TTN: variants seen among roughly 807,000 people sequenced by gnomAD.
TTN encodes the protein connectin.
A neutral mutation model predicts 3,223.0 loss-of-function variants in TTN; 1,525 were observed. The observed-to-expected ratio is 0.47, with a 90% CI of 0.45 to 0.49. The LOEUF is 0.49. Ranked by LOEUF, TTN falls within the 20% of genes least tolerant of loss-of-function variation. The pLI, the probability that TTN is intolerant of heterozygous loss-of-function variation, is 0.00. For synonymous variants in TTN, 14,094 were observed against 15,161.0 expected (o/e 0.93, Z 5.17); for missense variants, 40,786 against 43,424.0 (o/e 0.94, Z 5.40).
At chr2:178,752,036 A>C (rs1264925432) in intron 47 of TTN, 1 of 1,512,664 alleles carries the variant, frequency 6.6e-7, no homozygotes, top group Non-Finnish European at 8.8e-7. Context: ...CTCAGAGAAT[A>C]ATTCTGGAAA....
chr2:178,618,036 C>A lies in TTN; in HGVS notation c.47315G>T (p.Arg15772Leu). 6.2e-7 allele frequency: 1 copy of A among 1,612,390 alleles called. No homozygotes were observed. Among genetic ancestry groups the A allele is most frequent in the Non-Finnish European group, 8.5e-7 (1 of 1,179,082 alleles). Residue 15772 changes from arginine (R) to leucine (L), a missense_variant, in exon 253 of 363, where the codon CGA becomes CTA. Coordinates refer to ENST00000589042, the MANE Select transcript of TTN (RefSeq NM_001267550.2). ...TTCCCATGTCAGTGAGACACCAAATCGATTCACATCAGTGATGGTTACATT... is the reference window on the plus strand; with the variant it reads ...TTCCCATGTCAGTGAGACACCAAATAGATTCACATCAGTGATGGTTACATT... ...PLNVTITDVNRFGVSLTWEPP... is the reference protein window; with the variant it reads ...PLNVTITDVNLFGVSLTWEPP...
chr2:178,713,957 T>A lies in TTN; in HGVS notation c.26701A>T (p.Ser8901Cys), dbSNP rs1405906564. 4 of 1,613,596 alleles carry A rather than the reference T, an allele frequency of 2.5e-6. No homozygotes were observed. Among genetic ancestry groups the A allele is most frequent in the Non-Finnish European group, 3.4e-6 (4 of 1,179,734 alleles). Residue 8901 changes from serine (S) to cysteine (C), a missense_variant, in exon 92 of 363, where the codon AGT (serine) becomes TGT (cysteine). Transcript: ENST00000589042. ...CCAACAGGGTTCTGCACCTCAAAAC[T>A]GTATACCCCACTGTCACTCGGTGCT... The part of the protein sequence containing the change: ...NVAPSDSGVY[S>C]FEVQNPVGKD...
intron 205 of TTN, 52 bp from the exon 206 acceptor site, chr2:178,651,801 CA>C: frequency 6.2e-7 from 1 of 1,606,130 alleles, no homozygotes; most frequent in East Asian, 2.2e-5. Context: ...AGAAACAAGA[CA>C]AAAGCTCAGA....
chr2:178,534,517 G>C lies in TTN; in HGVS notation c.102098C>G (p.Thr34033Ser). 6.2e-7 allele frequency: 1 copy of C among 1,613,826 alleles called. No homozygotes were observed. Residue 34033 changes from threonine to serine, a missense_variant, in exon 358 of 363, where the codon ACT becomes AGT. Thr to Ser is a moderately conservative substitution (Grantham distance 58, BLOSUM62 1). Coordinates refer to ENST00000589042, the MANE Select transcript of TTN (RefSeq NM_001267550.2). ...IIENIMNAEY[T>S]FDEEAFKEIS... ...CTCTTTGAATGCTTCCTCATCGAAA[G>C]TATATTCAGCATTCATGATATTCTC...
intron 254 of TTN, 43 bp downstream of exon 254, chr2:178,617,282 A>G (rs749336681): frequency 6.5e-7 from 1 of 1,542,846 alleles, no homozygotes; most frequent in Non-Finnish European, 8.7e-7. Flanking sequence ...AGTTATGTCC[A>G]TGATCCACAT....
chr2:178,769,088 T>C (rs2091039080), intron 37 of TTN, among the ~76,000 whole-genome samples, 155 bp from the exon 38 acceptor site: 1 of 151,970 alleles, frequency 6.6e-6, no homozygotes, highest in Non-Finnish European at 1.5e-5. Context: ...CCATGTACTA[T>C]ACAGGACAGT....
chr2:178,766,351 C>A, intron 41 of TTN, 30 bp downstream of exon 41: 1 of 1,547,328 alleles, frequency 6.5e-7, no homozygotes, highest in Non-Finnish European at 8.9e-7. Flanking sequence ...GATGGATCCA[C>A]AAAATATGCT....
At chr2:178,778,631 A>G in intron 24 of TTN, 1 of 540,846 alleles carries the variant, frequency 1.8e-6, no homozygotes, top group Admixed American at 3.1e-5. Context: ...GTCAAATAAG[A>G]GCTATTGTGA....
rs774454485 is a variant in TTN at position 178,551,254 on chromosome 2, G to A, written c.91277C>T (p.Pro30426Leu). Residue 30426 changes from proline (P) to leucine (L), a missense_variant, in exon 336 of 363, where the codon CCT (proline) becomes CTT (leucine). By Grantham distance (98) the Pro-to-Leu change is moderately conservative (BLOSUM62 -3). Coordinates refer to ENST00000589042, the MANE Select transcript of TTN (RefSeq NM_001267550.2). Reference sequence around the variant, plus strand: ...GACATCAATGTAGTCAGGAGTGCCAGGTGGGTCTAAAAAATTATAAGGAAG... The same window carrying A: ...GACATCAATGTAGTCAGGAGTGCCAAGTGGGTCTAAAAAATTATAAGGAAG... ...FTLAVSPVDP[P>L]GTPDYIDVTR... The A allele has an allele frequency of 5.6e-6, 9 of 1,607,876 alleles. No individual in the cohort carries two copies. In the Admixed American group the frequency reaches 1.4e-4, roughly 24 times the overall value.
At chr2:178,800,726 C>T (rs2094016435) in intron 3 of TTN, 44 bp from the exon 4 acceptor site, 4 of 1,567,490 alleles carry the variant, frequency 2.6e-6, no homozygotes, top group Admixed American at 3.7e-5. Flanking sequence ...AGCCAGGGTG[C>T]TCCCTACAAG....
In TTN at chr2:178,614,071, T is replaced by A; in HGVS notation, c.49326A>T (p.Ile16442=). Residue 16442 remains isoleucine, a synonymous_variant, in exon 262 of 363, where the codon ATA becomes ATT. Coordinates refer to ENST00000589042, the MANE Select transcript of TTN (RefSeq NM_001267550.2). The part of the protein sequence containing the change: ...GVGEPVQASP[I]TAKYQFDPPG... ...ACTTACCAAACTGATATTTGGCTGT[T>A]ATTGGAGAGGCCTGAACTGGTTCAC... 1 of 1,612,374 alleles carries A rather than the reference T, an allele frequency of 6.2e-7. No homozygotes were observed. The highest frequency in any genetic ancestry group is 8.5e-7 in the Non-Finnish European group (1 of 1,179,182).
At position 178,542,536 on chromosome 2, in the gene TTN, A is replaced by T; in HGVS notation, c.97220T>A (p.Ile32407Asn). 6.2e-7 allele frequency: 1 copy of T among 1,608,340 alleles called. No homozygotes were observed. Among genetic ancestry groups the T allele is most frequent in the South Asian group, 1.1e-5 (1 of 90,828 alleles). Residue 32407 changes from isoleucine (I) to asparagine (N), a missense_variant, in exon 349 of 363, where the codon ATT becomes AAT. Transcript: ENST00000589042. ...LDKPGPPTGP[I>N]KIDEIDATSI... is the part of the protein sequence containing the mutation. Reference sequence around the variant, plus strand: ...TGTAGCATCAATTTCATCAATCTTAATAGGTCCTGTTGGTGGACCAGGCTT... The same window carrying T: ...TGTAGCATCAATTTCATCAATCTTATTAGGTCCTGTTGGTGGACCAGGCTT...
intron 47 of TTN, among the ~76,000 whole-genome samples, chr2:178,742,356 T>G (rs1025012850): frequency 4.6e-5 from 7 of 152,158 alleles, no homozygotes; most frequent in African/African-American, 1.7e-4. Context: ...AAAGACTGAT[T>G]ATTTCCAAAA....
At position 178,544,193 on chromosome 2, in the gene TTN, A is replaced by G. The variant is rs750082435; in HGVS notation, c.96028+8T>C. 6.2e-7 allele frequency: 1 copy of G among 1,610,560 alleles called. No individual in the cohort carries two copies. Among genetic ancestry groups the G allele is most frequent in the Non-Finnish European group, 8.5e-7 (1 of 1,177,016 alleles). Reference sequence around the variant, plus strand: ...AATAATTCACCTAAAAGCTTCTGTGATAAATACCTATTCTTTCCACGGGCT... The same window carrying G: ...AATAATTCACCTAAAAGCTTCTGTGGTAAATACCTATTCTTTCCACGGGCT... On this transcript the variant is annotated splice_region_variant and intron_variant, in intron 345 of 362. Coordinates refer to ENST00000589042, the MANE Select transcript of TTN (RefSeq NM_001267550.2).
Position 178,567,220 on chromosome 2 carries a change from G to A in TTN, c.78912C>T (p.Cys26304=), listed in dbSNP as rs1706245902. 2 of 1,609,548 alleles carry A rather than the reference G, an allele frequency of 1.2e-6. No individual in the cohort carries two copies. Among genetic ancestry groups the A allele is most frequent in the Non-Finnish European group, 8.5e-7 (1 of 1,177,400 alleles). Residue 26304 remains cysteine (C), a synonymous_variant, in exon 326 of 363, where the codon TGC becomes TGT. Transcript: ENST00000589042. ...GAAGTGGTGGAGACCATGTTAAAGAGCATTTTTCAGAAGTGACTCCAGTAA... is the reference window on the plus strand; with the variant it reads ...GAAGTGGTGGAGACCATGTTAAAGAACATTTTTCAGAAGTGACTCCAGTAA... ...VQVTGVTSEK[C]SLTWSPPLQD... is the part of the protein sequence containing the mutation.
At position 178,575,060 on chromosome 2, in the gene TTN, A is replaced by G. The variant is rs1358981791; in HGVS notation, c.71072T>C (p.Leu23691Ser). ...NFETTATSTI[L>S]NINECVRSDS... Reference sequence around the variant, plus strand: ...ACTTCTGACACACTCATTGATATTTAAAATGGTTGAAGTCGCTGTGGTTTC... The same window carrying G: ...ACTTCTGACACACTCATTGATATTTGAAATGGTTGAAGTCGCTGTGGTTTC... Residue 23691 changes from leucine (L) to serine (S), a missense_variant, in exon 326 of 363, where the codon TTA (leucine) becomes TCA (serine). Coordinates refer to ENST00000589042, the MANE Select transcript of TTN (RefSeq NM_001267550.2). This position sits in a 1 kb window ranked among gnomAD's most constrained non-coding sequence, Gnocchi z 4.0. 3.7e-6 allele frequency: 6 copies of G among 1,613,288 alleles called. No homozygotes were observed. Among genetic ancestry groups the G allele is most frequent in the Non-Finnish European group, 5.1e-6 (6 of 1,179,606 alleles).
At position 178,735,774 on chromosome 2, in the gene TTN, A is replaced by C; in HGVS notation, c.14672T>G (p.Ile4891Ser). ...ELIIIDKPHF[I>S]KELEPVQSAI... ...GGACTGCACAGGCTCTAATTCTTTA[A>C]TGAAATGTGGCTTATCAATGATGAT... Residue 4891 changes from isoleucine (I) to serine (S), a missense_variant, in exon 50 of 363, where the codon ATT becomes AGT. Ile to Ser is a moderately radical substitution (Grantham distance 142). Transcript: ENST00000589042. The C allele has an allele frequency of 6.2e-7, 1 of 1,613,736 alleles. No individual in the cohort carries two copies. Among genetic ancestry groups the C allele is most frequent in the Non-Finnish European group, 8.5e-7 (1 of 1,179,800 alleles).
chr2:178,548,997 C>T lies in TTN; in HGVS notation c.92629G>A (p.Val30877Met). 2 of 1,613,906 alleles carry T rather than the reference C, an allele frequency of 1.2e-6. No individual in the cohort carries two copies. The highest frequency in any genetic ancestry group is 1.1e-5 in the South Asian group (1 of 91,072). Residue 30877 changes from valine to methionine, a missense_variant, in exon 339 of 363, where the codon GTG (valine) becomes ATG (methionine). Physicochemically the swap from Val to Met is conservative, Grantham distance 21. Transcript: ENST00000589042. This position sits in a 1 kb window ranked among gnomAD's most constrained non-coding sequence, Gnocchi z 4.3. ...DWHKVNAEAC[V>M]KTRYTVTDLQ... ...TCAGTGACTGTATATCTTGTTTTCA[C>T]ACATGCCTCTGCATTCACCTTGTGC...
At position 178,573,300 on chromosome 2, in the gene TTN, T is replaced by TAAGA. The variant is rs751319893; in HGVS notation, c.72828_72831dup (p.Thr24278SerfsTer3). On this transcript the variant is annotated frameshift_variant, in exon 326 of 363. Coordinates refer to ENST00000589042, the MANE Select transcript of TTN (RefSeq NM_001267550.2). LOFTEE classifies it high-confidence loss of function. ...CCAGACACTTTATATCTTAAATCAG[T>TAAGA]AAGAGTTTTTTTGTTGCATTTAATC... is the stretch of plus-strand genomic sequence containing the variant. The TAAGA allele has an allele frequency of 6.3e-7, 1 of 1,582,142 alleles. No homozygotes were observed. The highest frequency in any genetic ancestry group is 8.6e-7 in the Non-Finnish European group (1 of 1,163,876).
Sources: allele counts gnomAD v4.1 joint callset (sites outside exome capture counted in the v4.1 genomes callset), GRCh38; gene constraint gnomAD v4.1.1; non-coding constraint Gnocchi (gnomAD v3.1); transcripts MANE v1.5; gene names NCBI Gene and HGNC (gene_info 2026-07-23, HGNC 2026-07-21).